The following KCNJ6 variants were observed in gnomAD, a reference collection of about 807,000 sequenced individuals.
The protein encoded by KCNJ6 is potassium inwardly rectifying channel subfamily J member 6, also known as G protein-activated inward rectifier potassium channel 2.
KCNJ6 carries 9 observed loss-of-function variants against 34.2 expected under a neutral mutation model. The observed-to-expected ratio is 0.26, with a 90% confidence interval of 0.16 to 0.46. The LOEUF is 0.46. KCNJ6 is among the 20% of genes least tolerant of loss of function. KCNJ6 has a pLI of 1.00. For synonymous variants in KCNJ6, 196 were observed against 207.1 expected, an observed-to-expected ratio of 0.95 and a Z score of 0.46; for missense variants, 236 against 531.3, an observed-to-expected ratio of 0.44 and a Z score of 5.46.
At chr21:37,792,845 T>C (rs1226035578) in intron 2 of KCNJ6, among the ~76,000 whole-genome samples, 1 of 152,170 alleles carries the variant, frequency 6.6e-6, no homozygotes. Context: ...TGAGAGTTAG[T>C]TGCTGTTGCT....
At chr21:37,712,502 C>CCTTCTCCTCCT (rs1161684016) in intron 3 of KCNJ6, among the ~76,000 whole-genome samples, 1 of 108,774 alleles carries the variant, frequency 9.2e-6, no homozygotes, top group Non-Finnish European at 2.2e-5. Flanking sequence ...TCCCTCCTCC[C>CCTTCTCCTCCT]CTTCTCCTCC....
chr21:37,756,429 A>G (rs2055025226), intron 2 of KCNJ6, among the ~76,000 whole-genome samples: 1 of 152,180 alleles, frequency 6.6e-6, no homozygotes, highest in African/African-American at 2.4e-5. Context: ...AAGGCAGGGG[A>G]CGTGCGTGGA....
intron 1 of KCNJ6, among the ~76,000 whole-genome samples, chr21:37,907,838 G>C (rs970641): frequency 0.25 from 37,556 of 152,064 alleles, 5,876 homozygotes; most frequent in African/African-American, 0.42. Flanking sequence ...TTTGGACTCA[G>C]GTACTGTCCT....
At chr21:37,657,791 C>T (rs983154023) in intron 3 of KCNJ6, among the ~76,000 whole-genome samples, 1 of 152,178 alleles carries the variant, frequency 6.6e-6, no homozygotes, top group African/African-American at 2.4e-5. Context: ...CATAACTGAC[C>T]CGCCCAGGCC....
chr21:37,704,059 A>T (rs2054705936), intron 3 of KCNJ6, among the ~76,000 whole-genome samples: 1 of 152,192 alleles, frequency 6.6e-6, no homozygotes, highest in African/African-American at 2.4e-5. Context: ...GGCTTAACAG[A>T]TATGATCTCT....
chr21:37,803,367 G>A (rs901511434), intron 2 of KCNJ6, among the ~76,000 whole-genome samples: 8 of 152,178 alleles, frequency 5.3e-5, no homozygotes, highest in South Asian at 2.1e-4. Flanking sequence ...ATCTTGAAAT[G>A]TACTTAGTAG....
At chr21:37,673,403 T>C (rs4816578) in intron 3 of KCNJ6, among the ~76,000 whole-genome samples, 63,558 of 152,246 alleles carry the variant, frequency 0.42, 13,337 homozygotes, top group East Asian at 0.47. Context: ...GTCCTGTTTC[T>C]TTCCAGGAGC....
intron 2 of KCNJ6, among the ~76,000 whole-genome samples, chr21:37,797,624 G>A (rs1033899770): frequency 2.6e-5 from 4 of 151,496 alleles, no homozygotes; most frequent in African/African-American, 9.7e-5. Flanking sequence ...TTTCTAACCA[G>A]TCTACCACCT....
At chr21:37,899,675 A>C (rs1421361919) in intron 1 of KCNJ6, among the ~76,000 whole-genome samples, 2 of 152,176 alleles carry the variant, frequency 1.3e-5, no homozygotes, top group African/African-American at 4.8e-5. Context: ...GATGTCCAAA[A>C]TGCAGGGCCA....
At chr21:37,650,008 C>T (rs2054425706) in intron 3 of KCNJ6, among the ~76,000 whole-genome samples, 1 of 151,874 alleles carries the variant, frequency 6.6e-6, no homozygotes, top group Non-Finnish European at 1.5e-5. Context: ...TGTGATTCAC[C>T]CACCTCAGCC....
intron 3 of KCNJ6, among the ~76,000 whole-genome samples, chr21:37,697,960 G>A (rs936116861): frequency 6.6e-6 from 1 of 152,106 alleles, no homozygotes; most frequent in Non-Finnish European, 1.5e-5. Flanking sequence ...AATAAATGTC[G>A]GTGTGAGGAG....
At chr21:37,629,314 G>T (rs2054324035) in intron 3 of KCNJ6, among the ~76,000 whole-genome samples, 1 of 151,980 alleles carries the variant, frequency 6.6e-6, no homozygotes, top group Non-Finnish European at 1.5e-5. Flanking sequence ...TATGTGGTGG[G>T]TCTGTTTGTT....
chr21:37,743,308 G>A (rs858017), intron 2 of KCNJ6, among the ~76,000 whole-genome samples: 54,770 of 152,064 alleles, frequency 0.36, 11,002 homozygotes, highest in Admixed American at 0.46. Context: ...ATGTATGTAT[G>A]TGTGTGCATG....
intron 2 of KCNJ6, among the ~76,000 whole-genome samples, chr21:37,799,261 A>G (rs564102550): frequency 6.6e-6 from 1 of 152,316 alleles, no homozygotes; most frequent in East Asian, 1.9e-4. Context: ...CTTGTTCTCA[A>G]TAAGGATGTT....
chr21:37,730,006 T>C (rs556454489), intron 2 of KCNJ6, among the ~76,000 whole-genome samples: 54 of 152,214 alleles, frequency 3.5e-4, no homozygotes, highest in Non-Finnish European at 6.5e-4. Flanking sequence ...CTCCCAGACC[T>C]TGGGATCCTA....
At chr21:37,838,543 T>C (rs2055463381) in intron 2 of KCNJ6, among the ~76,000 whole-genome samples, 1 of 152,188 alleles carries the variant, frequency 6.6e-6, no homozygotes, top group Non-Finnish European at 1.5e-5. Context: ...GATCCTCCTG[T>C]CATTTAGAGA....
At chr21:37,767,104 G>A (rs1601462334) in intron 2 of KCNJ6, among the ~76,000 whole-genome samples, 3 of 152,156 alleles carry the variant, frequency 2.0e-5, no homozygotes, top group Non-Finnish European at 4.4e-5. Flanking sequence ...TATTCCAAGG[G>A]TCTCCCCATC....
intron 3 of KCNJ6, among the ~76,000 whole-genome samples, chr21:37,631,189 AT>A (rs2054332057): frequency 6.6e-6 from 1 of 152,178 alleles, no homozygotes; most frequent in Non-Finnish European, 1.5e-5. Flanking sequence ...GCAAGTACTT[AT>A]GGTTAAGTGA....
intron 2 of KCNJ6, among the ~76,000 whole-genome samples, chr21:37,823,879 A>G (rs912595151): frequency 2.4e-3 from 3 of 1,260 alleles, no homozygotes; most frequent in African/African-American, 0.012. Context: ...AGACAGCAGA[A>G]GTTCTGGATG....
Sources: allele counts gnomAD v4.1 joint callset (sites outside exome capture counted in the v4.1 genomes callset), GRCh38; gene constraint gnomAD v4.1.1; transcripts MANE v1.5; gene names NCBI Gene and HGNC (gene_info 2026-07-23, HGNC 2026-07-21).